The following EED variants were observed in gnomAD, a reference collection of about 807,000 sequenced individuals.
EED encodes the protein polycomb protein EED.
Under a neutral mutation model 61.0 loss-of-function variants are expected in EED, and 9 were observed. The observed-to-expected ratio is 0.15, with a 90% CI of 0.09 to 0.26. EED has a LOEUF of 0.26. EED is among the 10% of genes least tolerant of loss of function. The pLI is 1.00. For missense variants in EED, 315 were observed against 542.3 expected (o/e 0.58, Z 4.16); for synonymous variants, 187 against 174.4 (o/e 1.07, Z -0.57).
At chr11:86,264,430 G>A (rs1022563224) in intron 7 of EED, 167 bp downstream of exon 7, 7 of 471,860 alleles carry the variant, frequency 1.5e-5, no homozygotes, top group Middle Eastern at 4.2e-4. Context: ...AATAAAACAA[G>A]TAAAGACTAT....
Position 86,245,199 on chromosome 11 carries a change from G to A in EED, c.-31G>A, listed in dbSNP as rs1945357313. 1 of 1,591,412 alleles carries A rather than the reference G, an allele frequency of 6.3e-7. No individual in the cohort carries two copies. The highest frequency in any genetic ancestry group is 1.1e-5 in the South Asian group (1 of 90,076). ...CGGTGTGGCGGAGGCCCCGCCCCAG[G>A]CGGCAGGAACCTGGAGGGAGGCGGA... On this transcript the variant is annotated 5_prime_UTR_variant, in exon 1 of 12. Transcript: ENST00000263360.
chr11:86,274,467 C>T (rs1311065961), intron 9 of EED, among the ~76,000 whole-genome samples: 1 of 152,036 alleles, frequency 6.6e-6, no homozygotes, highest in African/African-American at 2.4e-5. Context: ...AGACTCTGGA[C>T]CTTATTTAGA....
At chr11:86,262,396 T>C (rs1489149258) in intron 6 of EED, among the ~76,000 whole-genome samples, 1 of 152,254 alleles carries the variant, frequency 6.6e-6, no homozygotes, top group African/African-American at 2.4e-5. Context: ...CACAAAGTCC[T>C]AGGGCATGGA....
intron 9 of EED, among the ~76,000 whole-genome samples, chr11:86,272,507 A>G (rs932506056): frequency 3.3e-5 from 5 of 152,190 alleles, no homozygotes; most frequent in African/African-American, 1.2e-4. Context: ...GGAATGTTGT[A>G]TAAGTGTTTA....
chr11:86,262,262 C>T (rs1945852085), intron 6 of EED, among the ~76,000 whole-genome samples: 2 of 152,016 alleles, frequency 1.3e-5, no homozygotes, highest in Non-Finnish European at 2.9e-5. Flanking sequence ...ACAAATTTCA[C>T]CTTTAGATCA....
At chr11:86,261,410 T>G (rs1312105143) in intron 6 of EED, among the ~76,000 whole-genome samples, 2 of 152,182 alleles carry the variant, frequency 1.3e-5, no homozygotes. Context: ...GGCAGCCCCA[T>G]CTTTATGGGT....
At chr11:86,271,557 C>T (rs1946112165) in intron 9 of EED, among the ~76,000 whole-genome samples, 1 of 152,132 alleles carries the variant, frequency 6.6e-6, no homozygotes, top group Non-Finnish European at 1.5e-5. Flanking sequence ...GTGTTAGGAA[C>T]AGATATTCTT....
At chr11:86,245,462 A>G (rs1292685093) in intron 1 of EED, 119 bp downstream of exon 1, 4 of 827,486 alleles carry the variant, frequency 4.8e-6, no homozygotes, top group South Asian at 4.6e-5. Context: ...CACTCAGGAA[A>G]ACGCGGGCGT....
At chr11:86,280,667 G>A (rs1946313111), downstream of EED, among the ~76,000 whole-genome samples, 1 of 152,190 alleles carries the variant, frequency 6.6e-6, no homozygotes, top group African/African-American at 2.4e-5. Flanking sequence ...TATATTTATA[G>A]GGTACAATGT....
At position 86,278,777 on chromosome 11, in the gene EED, G is replaced by A. The variant is rs539856435; in HGVS notation, c.*252G>A. On this transcript the variant is annotated 3_prime_UTR_variant, in exon 12 of 12. Transcript: ENST00000263360. ...GTTACTTTCATTGTGGTGAAAAAAAGTTAAAAGTAATAAAATTATGCCTTA... is the reference window on the plus strand; with the variant it reads ...GTTACTTTCATTGTGGTGAAAAAAAATTAAAAGTAATAAAATTATGCCTTA... The A allele has an allele frequency of 2.9e-4, 101 of 347,620 alleles. No homozygotes were observed. The South Asian group carries it at 8.4e-3, about 29-fold the overall frequency. 21.5% of individuals were successfully genotyped at this position (347,620 alleles called of 1,614,324 possible). A position where few individuals can be genotyped will look rare whatever the true frequency, so the allele number is the denominator to read the frequency against.
intron 1 of EED, among the ~76,000 whole-genome samples, chr11:86,246,237 G>A (rs1441312019): frequency 2.0e-5 from 3 of 152,156 alleles, no homozygotes; most frequent in African/African-American, 4.8e-5. Context: ...TCATGTTTTA[G>A]GTTGATAACC....
rs1945347759 is a variant in EED at position 86,245,007 on chromosome 11, A to G, written c.-223A>G. 1 of 438,998 alleles carries G rather than the reference A, an allele frequency of 2.3e-6. No individual in the cohort carries two copies. Among genetic ancestry groups the G allele is most frequent in the Non-Finnish European group, 4.1e-6 (1 of 245,832 alleles). 27.2% of individuals were successfully genotyped at this position (438,998 alleles called of 1,614,324 possible). ...AGTTGGGGAAGGGAAGGAGCCAGGA[A>G]GCCGCGCGGGAGGGCGCGCGCGCGC... On this transcript the variant is annotated 5_prime_UTR_variant, in exon 1 of 12. Transcript: ENST00000263360.
At chr11:86,282,276 T>C (rs291252), downstream of EED, among the ~76,000 whole-genome samples, 67,681 of 152,086 alleles carry the variant, frequency 0.45, 15,520 homozygotes, top group African/African-American at 0.56. Flanking sequence ...CTTTAATTTT[T>C]GTACACAGAA....
chr11:86,251,257 C>T (rs1348693564), intron 2 of EED, among the ~76,000 whole-genome samples: 1 of 152,116 alleles, frequency 6.6e-6, no homozygotes, highest in Admixed American at 6.5e-5. Context: ...TCAGATTTTG[C>T]TCCTGTAAAA....
rs542181586 is a variant in EED at position 86,246,297 on chromosome 11, A to C, written c.114+954A>C. Among the ~76,000 whole-genome samples, 438 of 152,380 alleles carry C rather than the reference A, an allele frequency of 2.9e-3. 3 individuals are homozygous for C. Among genetic ancestry groups the C allele is most frequent in the African/African-American group, 0.01 (419 of 41,584 alleles). Reference sequence around the variant, plus strand: ...CAATTTATTCAAAGATACTACTCCAAAATGTGATTCTCCTTCTCATGATAT... The same window carrying C: ...CAATTTATTCAAAGATACTACTCCACAATGTGATTCTCCTTCTCATGATAT... On this transcript the variant is annotated intron_variant, in intron 1 of 11. Coordinates refer to ENST00000263360, the MANE Select transcript of EED (RefSeq NM_003797.5).
chr11:86,283,361 C>G (rs1031587518), downstream of EED, among the ~76,000 whole-genome samples: 1 of 152,132 alleles, frequency 6.6e-6, no homozygotes, highest in African/African-American at 2.4e-5. Context: ...TTTAAAATTG[C>G]AACTCTCCTT....
At chr11:86,280,630 T>C (rs1057288001), downstream of EED, among the ~76,000 whole-genome samples, 14 of 152,192 alleles carry the variant, frequency 9.2e-5, no homozygotes, top group African/African-American at 1.4e-4. Flanking sequence ...GAAGAAATTA[T>C]ATATATGTCT....
chr11:86,261,388 C>T (rs1945822958), intron 6 of EED, among the ~76,000 whole-genome samples: 1 of 151,986 alleles, frequency 6.6e-6, no homozygotes, highest in South Asian at 2.1e-4. Flanking sequence ...AGTTTGGGCC[C>T]CAGAGGCCTT....
chr11:86,258,402 G>C (rs1945730332), intron 6 of EED, among the ~76,000 whole-genome samples: 1 of 152,028 alleles, frequency 6.6e-6, no homozygotes, highest in Non-Finnish European at 1.5e-5. Flanking sequence ...ATTGCATTTT[G>C]GAAATCACTA....
Sources: gnomAD v4.1 joint callset for allele counts (sites outside exome capture counted in the v4.1 genomes callset) on GRCh38, gnomAD v4.1.1 for gene constraint, MANE v1.5 for transcripts, NCBI Gene and HGNC (gene_info 2026-07-23, HGNC 2026-07-21) for gene names.